Variants in DCHS2 observed in about 807,000 individuals in gnomAD.
DCHS2 encodes protocadherin-23.
Under a neutral mutation model 182.4 loss-of-function variants are expected in DCHS2, and 142 were observed. The ratio of observed to expected loss-of-function variants is 0.78; its 90% CI spans 0.68 to 0.89. DCHS2 has a LOEUF of 0.89. Ranked by LOEUF, DCHS2 falls within the 40% of genes least tolerant of loss-of-function variation. The pLI is 0.00. For missense variants in DCHS2, 4,319 were observed against 4,198.6 expected (o/e 1.03, Z -0.79); for synonymous variants, 1,740 against 1,663.3 (o/e 1.05, Z -1.12).
intron 15 of DCHS2, among the ~76,000 whole-genome samples, chr4:154,258,676 T>G (rs1485363646): frequency 6.6e-6 from 1 of 152,058 alleles, no homozygotes; most frequent in African/African-American, 2.4e-5. Flanking sequence ...TGTGGGGTCT[T>G]TTTATATAAT....
In DCHS2 at chr4:154,320,662, G is replaced by A. The variant is rs761036594; in HGVS notation, c.4737C>T (p.Ser1579=). Residue 1579 remains serine, a synonymous_variant, in exon 9 of 20, where the codon AGC becomes AGT. Coordinates refer to ENST00000357232, the MANE Select transcript of DCHS2 (RefSeq NM_001358235.2). The part of the protein sequence containing the change: ...LVTVSRLDRE[S]IPTVILTVTA... ...TTACTGTCAGGATGACAGTTGGAAT[G>A]CTTTCTCTGTCAAGACGGGACACAG... 2 of 1,614,006 alleles carry A rather than the reference G, an allele frequency of 1.2e-6. No individual in the cohort carries two copies. Among genetic ancestry groups the A allele is most frequent in the Admixed American group, 1.7e-5 (1 of 59,990 alleles).
intron 1 of DCHS2, chr4:154,486,646 G>A (rs1018078324): frequency 3.7e-5 from 35 of 937,614 alleles, no homozygotes; most frequent in Non-Finnish European, 4.9e-5. Context: ...CAAGATGGGG[G>A]AGTTGGTTTT....
intron 10 of DCHS2, among the ~76,000 whole-genome samples, chr4:154,307,342 C>G (rs1735478685): frequency 6.6e-6 from 1 of 152,132 alleles, no homozygotes; most frequent in African/African-American, 2.4e-5. Flanking sequence ...GACACATGCC[C>G]ACTAAAAGAT....
At position 154,291,828 on chromosome 4, in the gene DCHS2, G is replaced by A. The variant is rs182409508; in HGVS notation, c.6463+6023C>T. 5.7e-3 allele frequency among the ~76,000 whole-genome samples: 874 copies of A among 152,114 alleles called. 9 individuals are homozygous for A. Among genetic ancestry groups the A allele is most frequent in the African/African-American group, 0.021 (850 of 41,424 alleles). On this transcript the variant is annotated intron_variant, in intron 13 of 19. Transcript: ENST00000357232. ...GGTAGTGGGAGGTTAGAGGGGAAGT[G>A]GTAATGGTGAATGGGTACAAAAATA... is the stretch of plus-strand genomic sequence containing the variant.
At position 154,236,043 on chromosome 4, in the gene DCHS2, A is replaced by G. The variant is rs374382000; in HGVS notation, c.8609T>C (p.Ile2870Thr). The change falls in exon 20 of 20, where the codon ATT becomes ACT. Residue 2870 changes from isoleucine to threonine, a missense_variant. By Grantham distance (89) the Ile-to-Thr change is moderately conservative (BLOSUM62 -1). Coordinates refer to ENST00000357232, the MANE Select transcript of DCHS2 (RefSeq NM_001358235.2). ...ATASLVVWVD[I>T]EGIDEFEPIF... ...GGGCTCAAATTCATCTATCCCTTCAATATCCACCCAGACCACTAAGGAGGC... is the reference window on the plus strand; with the variant it reads ...GGGCTCAAATTCATCTATCCCTTCAGTATCCACCCAGACCACTAAGGAGGC... 6.2e-7 allele frequency: 1 copy of G among 1,613,776 alleles called. No individual in the cohort carries two copies. The highest frequency in any genetic ancestry group is 8.5e-7 in the Non-Finnish European group (1 of 1,179,960).
intron 3 of DCHS2, among the ~76,000 whole-genome samples, chr4:154,360,413 A>G (rs956556719): frequency 1.3e-5 from 2 of 152,076 alleles, no homozygotes; most frequent in African/African-American, 4.8e-5. Context: ...AAACCTAATG[A>G]AGAAATTCTC....
Position 154,491,761 on chromosome 4 carries a change from A to C in DCHS2, c.-406T>G. 1.0e-6 allele frequency: 1 copy of C among 995,794 alleles called. No individual in the cohort carries two copies. Among genetic ancestry groups the C allele is most frequent in the Non-Finnish European group, 1.2e-6 (1 of 837,890 alleles). 61.7% of individuals were successfully genotyped at this position (995,794 alleles called of 1,614,324 possible). ...AGATTATATGAAGCGCGCACACACA[A>C]GGAGAGGATGGGGATCTGGCCGGAG... On this transcript the variant is annotated 5_prime_UTR_variant, in exon 1 of 20. Coordinates refer to ENST00000357232, the MANE Select transcript of DCHS2 (RefSeq NM_001358235.2).
At chr4:154,274,039 A>G (rs1733718643) in intron 13 of DCHS2, among the ~76,000 whole-genome samples, 1 of 152,170 alleles carries the variant, frequency 6.6e-6, no homozygotes, top group South Asian at 2.1e-4. Flanking sequence ...AGGGCTCATC[A>G]TCCCATATGC....
chr4:154,438,716 C>T (rs1387915181), intron 1 of DCHS2, among the ~76,000 whole-genome samples: 12 of 152,206 alleles, frequency 7.9e-5, no homozygotes, highest in Admixed American at 3.9e-4. Context: ...ATTTCCTAGT[C>T]GCTTTATTCC....
At chr4:154,360,993 C>A (rs912792222) in intron 3 of DCHS2, among the ~76,000 whole-genome samples, 1 of 152,136 alleles carries the variant, frequency 6.6e-6, no homozygotes, top group Non-Finnish European at 1.5e-5. Context: ...TAGAACACGG[C>A]CTGCTGCATC....
intron 3 of DCHS2, among the ~76,000 whole-genome samples, chr4:154,344,743 G>A (rs1729278095): frequency 6.6e-6 from 1 of 152,194 alleles, no homozygotes; most frequent in African/African-American, 2.4e-5. Context: ...GGTGCCGCAG[G>A]GCTAGCGTCC....
intron 2 of DCHS2, among the ~76,000 whole-genome samples, chr4:154,376,472 TA>T (rs1007217885): frequency 6.6e-6 from 1 of 151,720 alleles, no homozygotes; most frequent in African/African-American, 2.4e-5. Context: ...ACTGGTAAAA[TA>T]AAAACAAATA....
At chr4:154,477,008 G>A (rs966033516) in intron 1 of DCHS2, among the ~76,000 whole-genome samples, 2 of 152,130 alleles carry the variant, frequency 1.3e-5, no homozygotes, top group African/African-American at 2.4e-5. Context: ...GACAAGGACA[G>A]CATATTCAAT....
At chr4:154,466,061 A>T (rs1735227627) in intron 1 of DCHS2, among the ~76,000 whole-genome samples, 1 of 150,128 alleles carries the variant, frequency 6.7e-6, no homozygotes, top group Non-Finnish European at 1.5e-5. Flanking sequence ...TAATTAATTA[A>T]TTTAAATTAA....
intron 1 of DCHS2, among the ~76,000 whole-genome samples, chr4:154,407,292 A>G (rs912255690): frequency 5.3e-5 from 8 of 152,142 alleles, no homozygotes; most frequent in African/African-American, 1.7e-4. Context: ...TCTCCCAGGT[A>G]TCTTGTATAC....
intron 13 of DCHS2, among the ~76,000 whole-genome samples, chr4:154,293,861 C>T (rs1038686934): frequency 6.6e-6 from 1 of 152,206 alleles, no homozygotes; most frequent in Admixed American, 6.5e-5. Flanking sequence ...GACGCTTGGT[C>T]GCGGGGTCAA....
intron 9 of DCHS2, among the ~76,000 whole-genome samples, chr4:154,318,482 C>A (rs1735939337): frequency 6.6e-6 from 1 of 151,800 alleles, no homozygotes; most frequent in African/African-American, 2.4e-5. Context: ...CCTAAAGACT[C>A]CACCAAAAAA....
chr4:154,305,332 A>C, intron 10 of DCHS2, 101 bp from the exon 11 acceptor site: 1 of 1,350,388 alleles, frequency 7.4e-7, no homozygotes, highest in Admixed American at 2.9e-5. Flanking sequence ...CCATAGATGA[A>C]AATGGCAAGA....
chr4:154,310,684 G>A (rs935036892), intron 10 of DCHS2, among the ~76,000 whole-genome samples: 3 of 152,226 alleles, frequency 2.0e-5, no homozygotes, highest in Non-Finnish European at 4.4e-5. Flanking sequence ...CTTTTGAGAA[G>A]CAACATTTGA....
Sources: gnomAD v4.1 joint callset for allele counts (sites outside exome capture counted in the v4.1 genomes callset) on GRCh38, gnomAD v4.1.1 for gene constraint, MANE v1.5 for transcripts, NCBI Gene and HGNC (gene_info 2026-07-23, HGNC 2026-07-21) for gene names.